Variants in RIPOR3 observed in about 807,000 individuals in gnomAD.
RIPOR3 encodes family with sequence similarity 65 member C.
Under a neutral mutation model 114.3 loss-of-function variants are expected in RIPOR3, and 95 were observed. The observed-to-expected ratio is 0.83, with a 90% CI of 0.70 to 0.99. The LOEUF (loss-of-function observed/expected upper bound fraction) is 0.99. Ranked by LOEUF, RIPOR3 falls within the 50% of genes least tolerant of loss-of-function variation. The probability of loss-of-function intolerance (pLI) is 0.00; values close to 1 mark genes in which losing one functional copy is unlikely to be tolerated. For missense variants in RIPOR3, 1,252 were observed against 1,266.9 expected, an observed-to-expected ratio of 0.99 and a Z score of 0.18; for synonymous variants, 575 against 543.8, an observed-to-expected ratio of 1.06 and a Z score of -0.80.
Position 50,627,680 on chromosome 20 carries a change from C to CA in RIPOR3, c.122+3057dup, listed in dbSNP as rs910095902. 3.7e-3 allele frequency among the ~76,000 whole-genome samples: 523 copies of CA among 143,154 alleles called. 5 individuals carry two copies. The highest frequency in any genetic ancestry group is 0.01 in the African/African-American group (409 of 39,148). The allele number at this position is 143,154 out of a possible 152,430, so 93.9% of individuals were successfully genotyped here. ...CCCGGGCGAGAGAGAGAAACTGTCTCAAAAAAAAAAAAATTTTGGGAGGCT... is the reference window on the plus strand; with the variant it reads ...CCCGGGCGAGAGAGAGAAACTGTCTCAAAAAAAAAAAAAATTTTGGGAGGCT... On this transcript the variant is annotated intron_variant, in intron 2 of 21. Transcript: ENST00000327979.
chr20:50,586,219 A>C lies in RIPOR3; in HGVS notation c.*1013T>G, dbSNP rs80160424. The stretch of plus-strand genomic sequence containing the variant: ...TTAAAAACACAAAATATGTCCAGGA[A>C]GTATCGATGAGAATGTTCAAGTTAA... On this transcript the variant is annotated 3_prime_UTR_variant, in exon 22 of 22. Coordinates refer to ENST00000327979, the MANE Select transcript of RIPOR3 (RefSeq NM_001290268.2). 4,148 of 155,738 alleles carry C rather than the reference A, an allele frequency of 0.027. 167 individuals are homozygous for C. Among genetic ancestry groups the C allele is most frequent in the African/African-American group, 0.094 (3,936 of 41,656 alleles). The allele number at this position is 155,738 out of a possible 1,614,324, so 9.6% of individuals were successfully genotyped here.
chr20:50,679,135 A>AATATATATATATATATATATATATATAT (rs1568964701), intron 1 of RIPOR3, among the ~76,000 whole-genome samples: 10 of 20,768 alleles, frequency 4.8e-4, no homozygotes, highest in South Asian at 3.4e-3. Flanking sequence ...AAAAAAAAAA[A>AATATATATATATATATATATATATATAT]ATATATATAT....
intron 1 of RIPOR3, among the ~76,000 whole-genome samples, chr20:50,685,335 G>A (rs1164553350): frequency 6.7e-6 from 1 of 149,840 alleles, no homozygotes; most frequent in Admixed American, 6.7e-5. Flanking sequence ...TCCTGCCTCA[G>A]CCTCCCGAGT....
intron 1 of RIPOR3, among the ~76,000 whole-genome samples, chr20:50,631,527 G>A (rs987007986): frequency 6.6e-6 from 1 of 152,152 alleles, no homozygotes; most frequent in Non-Finnish European, 1.5e-5. Flanking sequence ...CAGAGAGGCC[G>A]GCAGGGCTCA....
At chr20:50,651,446 G>A (rs1600686220) in intron 1 of RIPOR3, among the ~76,000 whole-genome samples, 1 of 152,260 alleles carries the variant, frequency 6.6e-6, no homozygotes, top group South Asian at 2.1e-4. Context: ...GCTGGGTCTG[G>A]GATCATTTGT....
intron 1 of RIPOR3, among the ~76,000 whole-genome samples, chr20:50,644,671 GTTTGCTT>G (rs2085330898): frequency 6.1e-5 from 4 of 65,330 alleles, no homozygotes; most frequent in African/African-American, 2.4e-4. Flanking sequence ...GTTTTTTTTT[GTTTGCTT>G]TTTTTTTTTT....
At chr20:50,655,628 A>T (rs565946532) in intron 1 of RIPOR3, among the ~76,000 whole-genome samples, 1 of 150,940 alleles carries the variant, frequency 6.6e-6, no homozygotes, top group Non-Finnish European at 1.5e-5. Flanking sequence ...AGTTTTGGCT[A>T]CTGCTGGGTT....
At chr20:50,610,942 G>C in intron 5 of RIPOR3, 36 bp from the exon 6 acceptor site, 1 of 1,613,964 alleles carries the variant, frequency 6.2e-7, no homozygotes, top group Non-Finnish European at 8.5e-7. Context: ...TTGCAAAGTT[G>C]CCTGGGCCAC....
intron 1 of RIPOR3, among the ~76,000 whole-genome samples, chr20:50,676,460 T>C (rs2086680145): frequency 6.6e-6 from 1 of 152,096 alleles, no homozygotes; most frequent in Non-Finnish European, 1.5e-5. Context: ...AAGACCATCC[T>C]GGGCAACATA....
intron 6 of RIPOR3, among the ~76,000 whole-genome samples, chr20:50,610,317 A>G (rs2083931879): frequency 6.6e-6 from 1 of 152,144 alleles, no homozygotes. Flanking sequence ...AAAATGAGTG[A>G]AAGGGACAAG....
At position 50,673,700 on chromosome 20, in the gene RIPOR3, G is replaced by T. The variant is rs182381692; in HGVS notation, c.3+17426C>A. ...CCATTCATCATCTGGCAGCGTGACCGTTTGCCCCTATCAGGCCCCAGTCCG... is the reference window on the plus strand; with the variant it reads ...CCATTCATCATCTGGCAGCGTGACCTTTTGCCCCTATCAGGCCCCAGTCCG... On this transcript the variant is annotated intron_variant, in intron 1 of 21. Transcript: ENST00000327979. 3.6e-3 allele frequency among the ~76,000 whole-genome samples: 551 copies of T among 152,242 alleles called. 5 individuals carry two copies. Among genetic ancestry groups the T allele is most frequent in the Non-Finnish European group, 2.6e-3 (179 of 68,040 alleles).
intron 13 of RIPOR3, among the ~76,000 whole-genome samples, chr20:50,601,791 G>T (rs559961743): frequency 2.0e-5 from 3 of 152,168 alleles, no homozygotes; most frequent in Non-Finnish European, 4.4e-5. Flanking sequence ...CCACAGCCCC[G>T]CCCACCCAGG....
chr20:50,608,179 G>A (rs2083796093), intron 11 of RIPOR3, among the ~76,000 whole-genome samples: 1 of 152,220 alleles, frequency 6.6e-6, no homozygotes, highest in African/African-American at 2.4e-5. Context: ...GAAGCAAGAA[G>A]GGAAGCAAAA....
rs139203969 is a variant in RIPOR3 at position 50,612,689 on chromosome 20, C to G, written c.349-1485G>C. Among the ~76,000 whole-genome samples, 23 of 152,010 alleles carry G rather than the reference C, an allele frequency of 1.5e-4. No homozygotes were observed. The East Asian group carries it at 4.4e-3, about 29-fold the overall frequency. On this transcript the variant is annotated intron_variant, in intron 4 of 21. Coordinates refer to ENST00000327979, the MANE Select transcript of RIPOR3 (RefSeq NM_001290268.2). ...CTCAAGGGTTAAACGGGATGGGACA[C>G]GGAAGATTGAATAGAGGAGGGCGTC...
chr20:50,686,759 A>AG (rs1395878537), intron 1 of RIPOR3, among the ~76,000 whole-genome samples: 6 of 151,734 alleles, frequency 4.0e-5, no homozygotes, highest in East Asian at 3.9e-4. Flanking sequence ...AAAAAAAAAA[A>AG]AAAGAAAGAA....
intron 6 of RIPOR3, among the ~76,000 whole-genome samples, chr20:50,610,123 G>A (rs192060745): frequency 6.6e-5 from 1 of 15,202 alleles, no homozygotes; most frequent in Non-Finnish European, 1.3e-4. Context: ...CTGCCACCCC[G>A]GCCTCACCTG....
In RIPOR3 at chr20:50,636,735, G is replaced by A. The variant is rs575134161; in HGVS notation, c.4-5879C>T. The A allele has an allele frequency of 1.7e-5, 17 of 985,478 alleles. No individual in the cohort carries two copies. The Admixed American group carries it at 6.1e-4, about 36-fold the overall frequency. 61.0% of individuals were successfully genotyped at this position (985,478 alleles called of 1,614,324 possible). On this transcript the variant is annotated intron_variant, in intron 1 of 21. Coordinates refer to ENST00000327979, the MANE Select transcript of RIPOR3 (RefSeq NM_001290268.2). ...ACACTGGGGACTGTCCTGGGCCTCC[G>A]TCCCCAAGGTGTGGCTGGAGGAAGC...
intron 1 of RIPOR3, among the ~76,000 whole-genome samples, chr20:50,674,375 G>A (rs189440422): frequency 4.2e-4 from 64 of 152,084 alleles, no homozygotes; most frequent in African/African-American, 1.2e-3. Context: ...TCACAGTCAT[G>A]GAGAGGATTA....
chr20:50,613,539 C>T (rs375128023), intron 4 of RIPOR3, among the ~76,000 whole-genome samples: 1 of 152,108 alleles, frequency 6.6e-6, no homozygotes, highest in Non-Finnish European at 1.5e-5. Flanking sequence ...TACCCAGCAA[C>T]GTCTCAAAAA....
Sources: allele counts gnomAD v4.1 joint callset (sites outside exome capture counted in the v4.1 genomes callset), GRCh38; gene constraint gnomAD v4.1.1; transcripts MANE v1.5; gene names NCBI Gene and HGNC (gene_info 2026-07-23, HGNC 2026-07-21).